Variants in CFAP299 observed in about 807,000 individuals in gnomAD.
CFAP299 encodes the protein cilia- and flagella-associated protein 299.
A neutral mutation model predicts 27.0 loss-of-function variants in CFAP299; 21 were observed. The ratio of observed to expected loss-of-function variants is 0.78; its 90% CI spans 0.55 to 1.12. The LOEUF is 1.12. CFAP299 is among the 50% of genes most tolerant of loss of function. The pLI is 0.00. For missense variants in CFAP299, 310 were observed against 276.6 expected (o/e 1.12, Z -0.86); for synonymous variants, 104 against 98.1 (o/e 1.06, Z -0.36).
At chr4:80,438,106 T>A (rs186954541) in intron 2 of CFAP299, among the ~76,000 whole-genome samples, 140 of 152,302 alleles carry the variant, frequency 9.2e-4, no homozygotes, top group Non-Finnish European at 1.8e-3. Flanking sequence ...AGTACAATAA[T>A]ATGGAATATG....
At chr4:80,827,271 C>T (rs1000851104) in intron 3 of CFAP299, among the ~76,000 whole-genome samples, 3 of 151,724 alleles carry the variant, frequency 2.0e-5, no homozygotes, top group Non-Finnish European at 4.4e-5. Flanking sequence ...AAACTGTAGA[C>T]CACTATCCCT....
chr4:80,604,342 A>G (rs76794010), intron 3 of CFAP299, among the ~76,000 whole-genome samples: 123 of 152,156 alleles, frequency 8.1e-4, no homozygotes, highest in African/African-American at 2.9e-3. Context: ...GATAAAAAAA[A>G]AGTTTGGCTA....
At chr4:80,369,091 G>A (rs866247723) in intron 2 of CFAP299, among the ~76,000 whole-genome samples, 1 of 152,306 alleles carries the variant, frequency 6.6e-6, no homozygotes, top group Middle Eastern at 3.4e-3. Context: ...AAATAGCCAG[G>A]CCTTAGTATC....
At chr4:80,485,011 A>C (rs539559114) in intron 2 of CFAP299, among the ~76,000 whole-genome samples, 1 of 152,228 alleles carries the variant, frequency 6.6e-6, no homozygotes, top group African/African-American at 2.4e-5. Flanking sequence ...GCATCAATGA[A>C]TGTTAAGGCC....
intron 3 of CFAP299, among the ~76,000 whole-genome samples, chr4:80,645,481 A>C (rs1397793868): frequency 1.3e-5 from 2 of 152,168 alleles, no homozygotes; most frequent in Non-Finnish European, 2.9e-5. Flanking sequence ...TTTGATACAT[A>C]AATACACACA....
intron 3 of CFAP299, among the ~76,000 whole-genome samples, chr4:80,643,054 TG>T (rs1355391270): frequency 2.6e-5 from 4 of 151,994 alleles, no homozygotes; most frequent in African/African-American, 9.7e-5. Context: ...CCCAGCACTT[TG>T]GGAGGCCGAG....
At chr4:80,586,265 T>C (rs987688803) in intron 3 of CFAP299, among the ~76,000 whole-genome samples, 1 of 152,000 alleles carries the variant, frequency 6.6e-6, no homozygotes, top group Non-Finnish European at 1.5e-5. Context: ...ATAATAAATT[T>C]TATAATAAAG....
chr4:80,768,733 T>A (rs1161608046), intron 3 of CFAP299, among the ~76,000 whole-genome samples: 1 of 152,192 alleles, frequency 6.6e-6, no homozygotes, highest in African/African-American at 2.4e-5. Flanking sequence ...ATTCAATATA[T>A]ATTGTTTAAG....
intron 4 of CFAP299, among the ~76,000 whole-genome samples, chr4:80,889,836 G>A (rs9884814): frequency 0.15 from 23,253 of 151,946 alleles, 3,048 homozygotes; most frequent in African/African-American, 0.34. Context: ...AAATCAGTCA[G>A]TGTAATACCT....
chr4:80,746,789 T>G (rs1298304537), intron 3 of CFAP299, among the ~76,000 whole-genome samples: 1 of 152,030 alleles, frequency 6.6e-6, no homozygotes, highest in Non-Finnish European at 1.5e-5. Flanking sequence ...GTAAGAGATA[T>G]TATATAATCT....
chr4:80,873,943 G>C (rs890426462), intron 4 of CFAP299, among the ~76,000 whole-genome samples: 2 of 152,070 alleles, frequency 1.3e-5, no homozygotes, highest in Non-Finnish European at 2.9e-5. Context: ...CTAAAGCTTT[G>C]AAAGGTATTA....
At chr4:80,470,616 C>T in intron 2 of CFAP299, among the ~76,000 whole-genome samples, 1 of 152,108 alleles carries the variant, frequency 6.6e-6, no homozygotes, top group South Asian at 2.1e-4. Flanking sequence ...ACAATTTTGT[C>T]AATTTTATGA....
intron 4 of CFAP299, among the ~76,000 whole-genome samples, chr4:80,919,127 T>C (rs1301350456): frequency 6.6e-6 from 1 of 151,404 alleles, no homozygotes; most frequent in Non-Finnish European, 1.5e-5. Flanking sequence ...TGGACCTGAA[T>C]TTCTTTTCTT....
intron 2 of CFAP299, among the ~76,000 whole-genome samples, chr4:80,567,079 T>C (rs1312064825): frequency 6.6e-6 from 1 of 151,932 alleles, no homozygotes; most frequent in Non-Finnish European, 1.5e-5. Context: ...TGTAAGACAC[T>C]GTAGATCTGA....
intron 1 of CFAP299, among the ~76,000 whole-genome samples, chr4:80,353,483 GT>G (rs1217364662): frequency 6.6e-6 from 1 of 152,156 alleles, no homozygotes; most frequent in Non-Finnish European, 1.5e-5. Flanking sequence ...ATGTCATATT[GT>G]TTTAACATTA....
chr4:80,642,495 G>T (rs1739776414), intron 3 of CFAP299, among the ~76,000 whole-genome samples: 1 of 152,200 alleles, frequency 6.6e-6, no homozygotes, highest in African/African-American at 2.4e-5. Context: ...GCCAGGCGTG[G>T]TGGCTCACGC....
At chr4:80,581,526 C>T (rs1220607989) in intron 2 of CFAP299, among the ~76,000 whole-genome samples, 1 of 135,274 alleles carries the variant, frequency 7.4e-6, no homozygotes, top group African/African-American at 3.0e-5. Context: ...AAAGCAAAAG[C>T]AGACAAGTTA....
At chr4:80,694,366 T>C (rs965111617) in intron 3 of CFAP299, among the ~76,000 whole-genome samples, 3 of 152,234 alleles carry the variant, frequency 2.0e-5, no homozygotes, top group Non-Finnish European at 4.4e-5. Context: ...TTTTATGTTC[T>C]TATTCTGCAA....
rs1352651407 is a variant in CFAP299 at position 80,558,350 on chromosome 4, G to GTTTTTTTTT, written c.243-24740_243-24739insTTTTTTTTT. Among the ~76,000 whole-genome samples, 66 of 132,182 alleles carry GTTTTTTTTT rather than the reference G, an allele frequency of 5.0e-4. 6 individuals are homozygous for GTTTTTTTTT. Among genetic ancestry groups the GTTTTTTTTT allele is most frequent in the Middle Eastern group, 4.1e-3 (1 of 244 alleles). The allele number at this position is 132,182 out of a possible 152,430, so 86.7% of individuals were successfully genotyped here. A position where few individuals can be genotyped will look rare whatever the true frequency, so the allele number is the denominator to read the frequency against. On this transcript the variant is annotated intron_variant, in intron 2 of 5. Coordinates refer to ENST00000358105, the MANE Select transcript of CFAP299 (RefSeq NM_152770.3). Reference sequence around the variant, plus strand: ...GAAGACTTTTGTGGTTTTTTTGTTTGTTTGTTTGTTTGTTTGTTTTTTTTT... The same window carrying GTTTTTTTTT: ...GAAGACTTTTGTGGTTTTTTTGTTTGTTTTTTTTTTTTGTTTGTTTGTTTGTTTTTTTTT...
Sources: gnomAD v4.1 joint callset for allele counts (sites outside exome capture counted in the v4.1 genomes callset) on GRCh38, gnomAD v4.1.1 for gene constraint, MANE v1.5 for transcripts, NCBI Gene and HGNC (gene_info 2026-07-23, HGNC 2026-07-21) for gene names.